The following NTM variants were observed in gnomAD, a reference collection of about 807,000 sequenced individuals.
The protein encoded by NTM is IgLON family member 2.
In NTM, 13 loss-of-function variants were observed where a neutral mutation model predicts 42.1. The ratio of observed to expected loss-of-function variants is 0.31; its 90% CI spans 0.20 to 0.49. The LOEUF (loss-of-function observed/expected upper bound fraction) is 0.49. Among genes scored for constraint, NTM ranks in the 20% least tolerant of loss-of-function variants. The pLI is 0.99. For synonymous variants in NTM, 187 were observed against 179.2 expected (o/e 1.04, Z -0.35); for missense variants, 373 against 452.8 (o/e 0.82, Z 1.60).
chr11:132,292,907 G>T (rs1272809171), intron 4 of NTM, among the ~76,000 whole-genome samples: 1 of 151,546 alleles, frequency 6.6e-6, no homozygotes, highest in African/African-American at 2.4e-5. Flanking sequence ...AAGGTAGGAA[G>T]TTATGGACAG....
intron 3 of NTM, among the ~76,000 whole-genome samples, chr11:132,180,824 C>T (rs1271102868): frequency 6.6e-6 from 1 of 152,082 alleles, no homozygotes; most frequent in Non-Finnish European, 1.5e-5. Flanking sequence ...GCTCTCCCAT[C>T]AGATTTTCTT....
At chr11:131,806,342 T>G (rs2092479731) in intron 1 of NTM, among the ~76,000 whole-genome samples, 1 of 152,168 alleles carries the variant, frequency 6.6e-6, no homozygotes, top group Non-Finnish European at 1.5e-5. Flanking sequence ...CAGTTTTTCT[T>G]TTGAAAAAAG....
intron 1 of NTM, among the ~76,000 whole-genome samples, chr11:131,728,274 G>A (rs2135458256): frequency 6.6e-6 from 1 of 152,346 alleles, no homozygotes; most frequent in East Asian, 1.9e-4. Flanking sequence ...CCCGTGGCAA[G>A]CCTATGCATC....
At chr11:131,899,643 C>A (rs1307614065) in intron 1 of NTM, among the ~76,000 whole-genome samples, 2 of 152,248 alleles carry the variant, frequency 1.3e-5, no homozygotes, top group East Asian at 3.8e-4. Context: ...TCTAACCTAA[C>A]AAACAGTGTG....
At chr11:132,281,886 T>C (rs2093982925) in intron 4 of NTM, among the ~76,000 whole-genome samples, 1 of 152,176 alleles carries the variant, frequency 6.6e-6, no homozygotes, top group Non-Finnish European at 1.5e-5. Context: ...TCAAAAAAAG[T>C]ATTGTGATAT....
intron 1 of NTM, among the ~76,000 whole-genome samples, chr11:131,876,834 C>A (rs914032047): frequency 2.0e-5 from 3 of 151,724 alleles, no homozygotes; most frequent in Admixed American, 6.6e-5. Flanking sequence ...GAGGAGAAGG[C>A]ATAGTTTTAT....
chr11:131,906,624 G>A (rs758928833), intron 1 of NTM, among the ~76,000 whole-genome samples: 4 of 152,002 alleles, frequency 2.6e-5, no homozygotes, highest in South Asian at 2.1e-4. Context: ...TCGCTGCGTC[G>A]GCACTTTGAT....
At chr11:131,615,734 T>TCAGCTCC (rs894609734) in intron 1 of NTM, among the ~76,000 whole-genome samples, 6 of 152,170 alleles carry the variant, frequency 3.9e-5, no homozygotes, top group East Asian at 3.9e-4. Flanking sequence ...ATGGCTCCCG[T>TCAGCTCC]CAGCTCCCAG....
intron 4 of NTM, among the ~76,000 whole-genome samples, chr11:132,234,916 C>T (rs546496847): frequency 3.0e-4 from 45 of 152,260 alleles, no homozygotes; most frequent in African/African-American, 8.4e-4. Flanking sequence ...AGATTTTCAA[C>T]GTTAGATTCC....
At chr11:131,988,535 T>C (rs2066462309) in intron 2 of NTM, among the ~76,000 whole-genome samples, 1 of 152,194 alleles carries the variant, frequency 6.6e-6, no homozygotes, top group African/African-American at 2.4e-5. Context: ...CAGTGGTGGA[T>C]ATTCCATGTG....
chr11:131,622,772 A>G (rs917877466), intron 1 of NTM, among the ~76,000 whole-genome samples: 3 of 152,146 alleles, frequency 2.0e-5, no homozygotes, highest in African/African-American at 7.2e-5. Flanking sequence ...CCCTGACAAG[A>G]GCACCCCAGC....
intron 1 of NTM, among the ~76,000 whole-genome samples, chr11:131,589,597 G>GT (rs1157005243): frequency 1.3e-5 from 2 of 152,104 alleles, no homozygotes; most frequent in African/African-American, 4.8e-5. Flanking sequence ...ATCATTATTT[G>GT]TTTTTTTGTA....
At chr11:131,830,853 GTTT>G (rs939744140) in intron 1 of NTM, among the ~76,000 whole-genome samples, 1 of 152,144 alleles carries the variant, frequency 6.6e-6, no homozygotes, top group African/African-American at 2.4e-5. Flanking sequence ...TTTCAGCAGT[GTTT>G]TATAGTTCTC....
intron 1 of NTM, among the ~76,000 whole-genome samples, chr11:131,566,432 C>T (rs1262835469): frequency 1.3e-5 from 2 of 150,946 alleles, no homozygotes; most frequent in African/African-American, 2.4e-5. Flanking sequence ...TCTCGATGTG[C>T]GTGTGTGTGT....
At chr11:132,231,482 C>T (rs1213376944) in intron 4 of NTM, among the ~76,000 whole-genome samples, 2 of 152,062 alleles carry the variant, frequency 1.3e-5, no homozygotes, top group Non-Finnish European at 2.9e-5. Flanking sequence ...AATTAGCAGC[C>T]TCCAATTTGC....
intron 1 of NTM, chr11:131,533,978 T>G (rs371456265): frequency 6.6e-6 from 1 of 152,266 alleles, no homozygotes; most frequent in African/African-American, 2.4e-5. Context: ...CACCTCTCAT[T>G]CCTTACTGGG....
intron 2 of NTM, among the ~76,000 whole-genome samples, chr11:132,112,646 C>G (rs944767129): frequency 6.6e-6 from 1 of 151,858 alleles, no homozygotes; most frequent in Non-Finnish European, 1.5e-5. Flanking sequence ...GACGTCCCCC[C>G]GGGCTCTCAG....
intron 1 of NTM, among the ~76,000 whole-genome samples, chr11:131,668,223 T>A (rs1442931185): frequency 2.0e-5 from 3 of 151,538 alleles, no homozygotes; most frequent in Non-Finnish European, 2.9e-5. Flanking sequence ...CTTTGTGTCA[T>A]GCATATATGT....
chr11:132,302,867 G>C (rs2094917983), intron 4 of NTM, among the ~76,000 whole-genome samples: 1 of 152,160 alleles, frequency 6.6e-6, no homozygotes, highest in South Asian at 2.1e-4. Flanking sequence ...TACGAGGCTT[G>C]AGCGAAATCA....
Sources: gnomAD v4.1 joint callset for allele counts (sites outside exome capture counted in the v4.1 genomes callset) on GRCh38, gnomAD v4.1.1 for gene constraint, MANE v1.5 for transcripts, NCBI Gene and HGNC (gene_info 2026-07-23, HGNC 2026-07-21) for gene names.